Variants in CDH10 observed in about 807,000 individuals in gnomAD.
CDH10 encodes cadherin-10.
A neutral mutation model predicts 73.1 loss-of-function variants in CDH10; 30 were observed. That is an observed-to-expected ratio of 0.41 (90% CI 0.31 to 0.56). The LOEUF (loss-of-function observed/expected upper bound fraction) is 0.56. Among genes scored for constraint, CDH10 ranks in the 20% least tolerant of loss-of-function variants. CDH10 has a pLI of 0.27. For synonymous variants in CDH10, 345 were observed against 348.2 expected (o/e 0.99, Z 0.10); for missense variants, 815 against 973.7 (o/e 0.84, Z 2.17).
intron 7 of CDH10, among the ~76,000 whole-genome samples, chr5:24,506,536 T>C (rs904133096): frequency 6.6e-6 from 1 of 152,194 alleles, no homozygotes; most frequent in Non-Finnish European, 1.5e-5. Flanking sequence ...ATTTACCACA[T>C]TGTGTTAGGA....
rs538289160 is a variant in CDH10, at chr5:24,556,086, C to A, written c.232-18412G>T. Among the ~76,000 whole-genome samples, 7 of 152,168 alleles carry A rather than the reference C, an allele frequency of 4.6e-5. No individual in the cohort carries two copies. The East Asian group carries it at 1.4e-3, about 29-fold the overall frequency. Reference sequence around the variant, plus strand: ...CTTATTGTTGAGAAGAAACTTAAAACAAAAATAATGCAAATTTAAGGTAAA... The same window carrying A: ...CTTATTGTTGAGAAGAAACTTAAAAAAAAAATAATGCAAATTTAAGGTAAA... On this transcript the variant is annotated intron_variant, in intron 2 of 11. Coordinates refer to ENST00000264463, the MANE Select transcript of CDH10 (RefSeq NM_006727.5).
chr5:24,522,190 T>C (rs1259371023), intron 5 of CDH10, among the ~76,000 whole-genome samples: 1 of 124,566 alleles, frequency 8.0e-6, no homozygotes, highest in East Asian at 2.6e-4. Flanking sequence ...TAATATGTAA[T>C]TGTGAGTGTT....
Position 24,593,533 on chromosome 5 carries a change from G to T in CDH10, c.-43C>A, listed in dbSNP as rs745750770. The T allele has an allele frequency of 5.6e-5, 64 of 1,134,012 alleles. No individual in the cohort carries two copies. Among genetic ancestry groups the T allele is most frequent in the Middle Eastern group, 3.9e-4 (2 of 5,074 alleles). 70.2% of individuals were successfully genotyped at this position (1,134,012 alleles called of 1,614,324 possible). On this transcript the variant is annotated 5_prime_UTR_variant, in exon 2 of 12. Coordinates refer to ENST00000264463, the MANE Select transcript of CDH10 (RefSeq NM_006727.5). ...ATCCCAGTGTAGATGAAGAGAAGTG[G>T]TCCTATTTTACCCAGTTGGTTTTAC...
At chr5:24,540,804 TG>T (rs1369255024) in intron 2 of CDH10, among the ~76,000 whole-genome samples, 2 of 151,914 alleles carry the variant, frequency 1.3e-5, no homozygotes, top group East Asian at 1.9e-4. Context: ...CAAAAAGGAC[TG>T]TATTTGAGGG....
At chr5:24,580,278 A>C (rs1183558572) in intron 2 of CDH10, among the ~76,000 whole-genome samples, 1 of 152,034 alleles carries the variant, frequency 6.6e-6, no homozygotes, top group Non-Finnish European at 1.5e-5. Flanking sequence ...AAAATTATTC[A>C]TTTTTATACA....
rs1232692431 is a variant in CDH10, at chr5:24,487,841, T to A, written c.2189A>T (p.Tyr730Phe). The A allele has an allele frequency of 6.2e-7, 1 of 1,613,744 alleles. No individual in the cohort carries two copies. ...EHDLDPTAPP[Y>F]DSLATYAYEG... ...ATAGGCATAGGTTGCAAGTGAGTCG[T>A]AGGGGGGTGCGGTGGGGTCAAGATC... is the stretch of plus-strand genomic sequence containing the variant. The change falls in exon 12 of 12, where the codon TAC becomes TTC. Residue 730 changes from tyrosine to phenylalanine, a missense_variant. Around this residue, in one of 3 missense-constraint regions of CDH10, gnomAD observed 241 missense variants for 240.3 expected, o/e 1.00. Transcript: ENST00000264463.
Position 24,599,755 on chromosome 5 carries a change from G to C in CDH10, c.-123-6142C>G, listed in dbSNP as rs115513244. ...AGATCTTTACGCAAGGATAAGCACA[G>C]GAATCATAAGACAAATCTTTGTGGC... On this transcript the variant is annotated intron_variant, in intron 1 of 11. Coordinates refer to ENST00000264463, the MANE Select transcript of CDH10 (RefSeq NM_006727.5). 3.8e-3 allele frequency among the ~76,000 whole-genome samples: 575 copies of C among 152,164 alleles called. 8 individuals are homozygous for C. Among genetic ancestry groups the C allele is most frequent in the African/African-American group, 0.013 (554 of 41,532 alleles).
chr5:24,539,983 C>T (rs1744090797), intron 2 of CDH10, among the ~76,000 whole-genome samples: 1 of 152,004 alleles, frequency 6.6e-6, no homozygotes, highest in African/African-American at 2.4e-5. Flanking sequence ...TTATGGTTTA[C>T]AGTAGACAGT....
At chr5:24,501,901 T>G (rs1030269358) in intron 8 of CDH10, among the ~76,000 whole-genome samples, 1 of 152,078 alleles carries the variant, frequency 6.6e-6, no homozygotes, top group Non-Finnish European at 1.5e-5. Flanking sequence ...GACCTTAATT[T>G]TAGATGTTTT....
intron 11 of CDH10, among the ~76,000 whole-genome samples, chr5:24,488,861 A>G (rs1741944231): frequency 2.0e-5 from 3 of 149,234 alleles, no homozygotes; most frequent in Non-Finnish European, 4.4e-5. Flanking sequence ...GCAATACTGA[A>G]CTAACTCCCC....
At chr5:24,592,598 C>T (rs1746237672) in intron 2 of CDH10, among the ~76,000 whole-genome samples, 1 of 151,708 alleles carries the variant, frequency 6.6e-6, no homozygotes, top group Admixed American at 6.6e-5. Flanking sequence ...CATTTCCAAC[C>T]ACAACTAATT....
intron 2 of CDH10, among the ~76,000 whole-genome samples, chr5:24,563,597 C>CAAAAAA (rs70965616): frequency 0.21 from 18,602 of 88,462 alleles, 2,599 homozygotes; most frequent in Non-Finnish European, 0.24. Context: ...ACTAAAAATA[C>CAAAAAA]AAAAAAAAAA....
intron 9 of CDH10, among the ~76,000 whole-genome samples, chr5:24,497,510 AACAG>A (rs1020098580): frequency 2.6e-4 from 39 of 152,342 alleles, no homozygotes; most frequent in African/African-American, 8.2e-4. Flanking sequence ...ATATTCAAAC[AACAG>A]ACAGGCTATT....
intron 2 of CDH10, among the ~76,000 whole-genome samples, chr5:24,575,535 G>C (rs756406987): frequency 6.6e-6 from 1 of 151,744 alleles, no homozygotes; most frequent in Non-Finnish European, 1.5e-5. Context: ...TTGGGTTTTT[G>C]TTAAAATATA....
chr5:24,509,678 G>C lies in CDH10; in HGVS notation c.1144C>G (p.Pro382Ala), dbSNP rs1177955408. ...KISIEDVDEP[P>A]VFSRSSYLFE... is the part of the protein sequence containing the mutation. ...AGATAGGAGGACCTACTAAAAACAG[G>C]AGGTTCATCCACATCTTCTATAGAG... The change falls in exon 7 of 12, where the codon CCT becomes GCT. Residue 382 changes from proline to alanine, a missense_variant. Around this residue, in one of 3 missense-constraint regions of CDH10, gnomAD observed 516 missense variants for 636.6 expected, o/e 0.81. Coordinates refer to ENST00000264463, the MANE Select transcript of CDH10 (RefSeq NM_006727.5). 2 of 1,613,146 alleles carry C rather than the reference G, an allele frequency of 1.2e-6. No homozygotes were observed. The highest frequency in any genetic ancestry group is 1.7e-6 in the Non-Finnish European group (2 of 1,179,114).
At chr5:24,562,144 GA>G (rs1170203312) in intron 2 of CDH10, among the ~76,000 whole-genome samples, 2 of 151,650 alleles carry the variant, frequency 1.3e-5, no homozygotes, top group Non-Finnish European at 2.9e-5. Flanking sequence ...TGAGAAAATA[GA>G]AAAAATGAGA....
intron 2 of CDH10, among the ~76,000 whole-genome samples, chr5:24,542,157 C>A (rs561601329): frequency 6.6e-6 from 1 of 152,026 alleles, no homozygotes; most frequent in East Asian, 1.9e-4. Flanking sequence ...GGACTTACAG[C>A]CTATCTAGTT....
At chr5:24,532,683 T>C (rs1279271671) in intron 5 of CDH10, among the ~76,000 whole-genome samples, 1 of 152,170 alleles carries the variant, frequency 6.6e-6, no homozygotes, top group African/African-American at 2.4e-5. Context: ...TGTTTTATAT[T>C]GATGACATAT....
rs1554016940 is a variant in CDH10 at position 24,504,506 on chromosome 5, C to CTGTTTTTTTTTTTTTTTTTTTT, written c.1393+605_1393+606insAAAAAAAAAAAAAAAAAAAACA. Among the ~76,000 whole-genome samples, 12 of 65,206 alleles carry CTGTTTTTTTTTTTTTTTTTTTT rather than the reference C, an allele frequency of 1.8e-4. 6 individuals carry two copies. Among genetic ancestry groups the CTGTTTTTTTTTTTTTTTTTTTT allele is most frequent in the Non-Finnish European group, 2.9e-4 (10 of 33,976 alleles). 42.8% of individuals were successfully genotyped at this position (65,206 alleles called of 152,430 possible). ...TATTAAATGCTTTTCTCCTATTAAT[C>CTGTTTTTTTTTTTTTTTTTTTT]TTTTTTTTTTTTTTTTTTTTTTTTT... On this transcript the variant is annotated intron_variant, in intron 8 of 11. Coordinates refer to ENST00000264463, the MANE Select transcript of CDH10 (RefSeq NM_006727.5).
Sources: allele counts gnomAD v4.1 joint callset (sites outside exome capture counted in the v4.1 genomes callset), GRCh38; gene constraint gnomAD v4.1.1; regional missense constraint gnomAD v4.1.1; transcripts MANE v1.5; gene names NCBI Gene and HGNC (gene_info 2026-07-23, HGNC 2026-07-21).